LDLRAD4: variants seen among roughly 807,000 people sequenced by gnomAD.
LDLRAD4 encodes low density lipoprotein receptor class A domain containing 4.
Under a neutral mutation model 17.0 loss-of-function variants are expected in LDLRAD4, and 5 were observed. The ratio of observed to expected loss-of-function variants is 0.29; its 90% CI spans 0.15 to 0.62. The LOEUF (loss-of-function observed/expected upper bound fraction) is 0.62, where lower values mean the gene tolerates loss of function less well. LDLRAD4 is among the 20% of genes least tolerant of loss of function. The pLI is 0.84. For missense variants in LDLRAD4, 340 were observed against 424.7 expected (o/e 0.80, Z 1.75); for synonymous variants, 168 against 171.8 (o/e 0.98, Z 0.17).
chr18:13,467,566 A>T (rs996467770), intron 3 of LDLRAD4, among the ~76,000 whole-genome samples: 1 of 152,238 alleles, frequency 6.6e-6, no homozygotes, highest in Non-Finnish European at 1.5e-5. Flanking sequence ...ACACATAAAT[A>T]CTACCTAAAG....
intron 1 of LDLRAD4, among the ~76,000 whole-genome samples, chr18:13,285,789 A>G (rs1220334798): frequency 6.6e-6 from 1 of 152,142 alleles, no homozygotes; most frequent in Non-Finnish European, 1.5e-5. Context: ...GGGGAAACTC[A>G]AGCCAGTCCT....
intron 3 of LDLRAD4, among the ~76,000 whole-genome samples, chr18:13,587,982 T>C (rs2094956996): frequency 6.6e-6 from 1 of 152,194 alleles, no homozygotes; most frequent in African/African-American, 2.4e-5. Context: ...ATTTTAGACT[T>C]CTGGAACACC....
intron 3 of LDLRAD4, among the ~76,000 whole-genome samples, chr18:13,534,856 T>C (rs1165219208): frequency 6.6e-6 from 1 of 152,216 alleles, no homozygotes; most frequent in East Asian, 1.9e-4. Flanking sequence ...GACCCCAGGC[T>C]CCAGGCCACC....
intron 3 of LDLRAD4, among the ~76,000 whole-genome samples, chr18:13,446,178 C>G (rs1169876316): frequency 6.6e-6 from 1 of 152,064 alleles, no homozygotes; most frequent in Admixed American, 6.5e-5. Context: ...TCAAAAGCAC[C>G]CTAGAAAGGT....
intron 1 of LDLRAD4, among the ~76,000 whole-genome samples, chr18:13,349,680 T>G (rs747173330): frequency 7.9e-5 from 12 of 152,230 alleles, no homozygotes; most frequent in Admixed American, 2.0e-4. Context: ...GTTTGTTACA[T>G]AGGTATACAT....
chr18:13,449,097 TAAAAA>T (rs1180035654), intron 3 of LDLRAD4, among the ~76,000 whole-genome samples: 1 of 152,148 alleles, frequency 6.6e-6, no homozygotes, highest in Non-Finnish European at 1.5e-5. Flanking sequence ...AGATCAAAGA[TAAAAA>T]ATATTTTCAA....
chr18:13,365,645 G>A (rs950646084), intron 1 of LDLRAD4, among the ~76,000 whole-genome samples: 3 of 152,192 alleles, frequency 2.0e-5, no homozygotes, highest in African/African-American at 7.2e-5. Context: ...ATGCTGAAAT[G>A]TACTTCCTGT....
At chr18:13,426,209 C>G (rs921936860) in intron 2 of LDLRAD4, 33 of 152,400 alleles carry the variant, frequency 2.2e-4, no homozygotes, top group African/African-American at 7.7e-4. Flanking sequence ...GCCCCTGCTC[C>G]TGTTTGTTGA....
At chr18:13,563,887 A>G (rs1184172957) in intron 3 of LDLRAD4, among the ~76,000 whole-genome samples, 1 of 151,668 alleles carries the variant, frequency 6.6e-6, no homozygotes, top group Non-Finnish European at 1.5e-5. Context: ...TTTTTAAAAA[A>G]TTATTTTTAT....
chr18:13,293,602 G>A (rs757131546), intron 1 of LDLRAD4, among the ~76,000 whole-genome samples: 7 of 152,220 alleles, frequency 4.6e-5, no homozygotes, highest in Non-Finnish European at 1.0e-4. Flanking sequence ...GAGCAACAAG[G>A]AGAAGGGTTA....
intron 3 of LDLRAD4, among the ~76,000 whole-genome samples, chr18:13,453,699 G>A (rs546432736): frequency 1.3e-5 from 2 of 152,156 alleles, no homozygotes; most frequent in Non-Finnish European, 1.5e-5. Context: ...TTGAGCCCCC[G>A]CTGAGATGAG....
Position 13,247,734 on chromosome 18 carries a change from G to A in LDLRAD4, c.-467+28746G>A, listed in dbSNP as rs572661748. 1.2e-4 allele frequency among the ~76,000 whole-genome samples: 18 copies of A among 152,228 alleles called. No individual in the cohort carries two copies. The South Asian group carries it at 3.1e-3, about 26-fold the overall frequency. Reference sequence around the variant, plus strand: ...TGCTTGTCTTGCATCTCTAGTCACCGTGTTCTTGCTGATGGCGCTCCAGGG... The same window carrying A: ...TGCTTGTCTTGCATCTCTAGTCACCATGTTCTTGCTGATGGCGCTCCAGGG... On this transcript the variant is annotated intron_variant, in intron 1 of 5. Coordinates refer to the LDLRAD4 transcript ENST00000399848.
intron 2 of LDLRAD4, among the ~76,000 whole-genome samples, chr18:13,426,492 C>T (rs2089948257): frequency 6.6e-6 from 1 of 152,030 alleles, no homozygotes; most frequent in Non-Finnish European, 1.5e-5. Flanking sequence ...TCTCTCTGCC[C>T]AGTAGCGGGG....
intron 3 of LDLRAD4, among the ~76,000 whole-genome samples, chr18:13,512,444 G>A (rs946981218): frequency 2.6e-5 from 4 of 152,200 alleles, no homozygotes; most frequent in African/African-American, 9.7e-5. Flanking sequence ...AGTGGAAAAG[G>A]TTGTGTGCTT....
rs910932532 is a variant in LDLRAD4, at chr18:13,240,911, C to CT, written c.-467+21932dup. 372 of 151,156 alleles carry CT rather than the reference C, an allele frequency of 2.5e-3. 1 individual carries two copies. Among genetic ancestry groups the CT allele is most frequent in the Non-Finnish European group, 2.0e-3 (138 of 68,172 alleles). The allele number at this position is 151,156 out of a possible 1,614,324, so 9.4% of individuals were successfully genotyped here. On this transcript the variant is annotated intron_variant, in intron 1 of 5. Coordinates refer to the LDLRAD4 transcript ENST00000399848. ...GAGAATTGGCCCTACTCGAGGCGGGCTTTTTTTTTCTTTTCTTTTCTTTTC... is the reference window on the plus strand; with the variant it reads ...GAGAATTGGCCCTACTCGAGGCGGGCTTTTTTTTTTCTTTTCTTTTCTTTTC...
At chr18:13,349,468 A>T (rs1381213944) in intron 1 of LDLRAD4, among the ~76,000 whole-genome samples, 1 of 152,134 alleles carries the variant, frequency 6.6e-6, no homozygotes, top group Non-Finnish European at 1.5e-5. Context: ...ATTTACCTTT[A>T]CCAGAGGACT....
chr18:13,250,962 A>T (rs1188352755), intron 1 of LDLRAD4, among the ~76,000 whole-genome samples: 1 of 152,252 alleles, frequency 6.6e-6, no homozygotes, highest in South Asian at 2.1e-4. Context: ...ATGAATATAG[A>T]TGCAAAAATC....
intron 2 of LDLRAD4, chr18:13,427,582 A>T (rs1369216582): frequency 6.6e-6 from 1 of 152,272 alleles, no homozygotes; most frequent in Non-Finnish European, 1.5e-5. Flanking sequence ...CTTCAGCCAG[A>T]CAATGGATTT....
chr18:13,597,978 T>C (rs894272576), intron 3 of LDLRAD4, among the ~76,000 whole-genome samples: 1 of 152,242 alleles, frequency 6.6e-6, no homozygotes, highest in Non-Finnish European at 1.5e-5. Flanking sequence ...TGAACATACT[T>C]GTAATGGCTA....
Sources: gnomAD v4.1 joint callset for allele counts (sites outside exome capture counted in the v4.1 genomes callset) on GRCh38, gnomAD v4.1.1 for gene constraint, MANE v1.5 for transcripts, NCBI Gene and HGNC (gene_info 2026-07-23, HGNC 2026-07-21) for gene names.